Variants in PLCB1 observed in about 807,000 individuals in gnomAD.
PLCB1 encodes the protein phospholipase C beta 1.
In PLCB1, 46 loss-of-function variants were observed where a neutral mutation model predicts 161.8. That is an observed-to-expected ratio of 0.28 (90% CI 0.22 to 0.36). The LOEUF is 0.36. PLCB1 is among the 10% of genes least tolerant of loss of function. PLCB1 has a pLI of 1.00. For synonymous variants in PLCB1, 517 were observed against 503.7 expected, an observed-to-expected ratio of 1.03 and a Z score of -0.35; for missense variants, 1,016 against 1,472.5, an observed-to-expected ratio of 0.69 and a Z score of 5.07.
At chr20:8,667,493 C>T (rs1989842586) in intron 9 of PLCB1, among the ~76,000 whole-genome samples, 1 of 152,164 alleles carries the variant, frequency 6.6e-6, no homozygotes, top group African/African-American at 2.4e-5. Flanking sequence ...TCCGTTATTA[C>T]ATTTCCTTTA....
intron 2 of PLCB1, among the ~76,000 whole-genome samples, chr20:8,196,237 C>T (rs1272675897): frequency 1.3e-5 from 2 of 152,126 alleles, no homozygotes; most frequent in African/African-American, 4.8e-5. Context: ...AGAAGTGATG[C>T]TGTGCCTTTC....
chr20:8,485,708 T>C (rs900694727), intron 3 of PLCB1, among the ~76,000 whole-genome samples: 2 of 152,334 alleles, frequency 1.3e-5, no homozygotes, highest in Middle Eastern at 3.4e-3. Context: ...ATTCTGCTAA[T>C]AGGAGCAATT....
intron 2 of PLCB1, among the ~76,000 whole-genome samples, chr20:8,183,678 A>G (rs971299054): frequency 6.6e-6 from 1 of 152,212 alleles, no homozygotes; most frequent in Non-Finnish European, 1.5e-5. Flanking sequence ...TTACTCATGG[A>G]CATGTTTTAG....
intron 2 of PLCB1, among the ~76,000 whole-genome samples, chr20:8,191,503 G>A (rs1377178959): frequency 1.3e-5 from 2 of 151,754 alleles, no homozygotes; most frequent in Non-Finnish European, 2.9e-5. Flanking sequence ...TATACTCCAA[G>A]AACAAGAACA....
At chr20:8,448,115 A>G (rs1980918153) in intron 3 of PLCB1, among the ~76,000 whole-genome samples, 1 of 152,202 alleles carries the variant, frequency 6.6e-6, no homozygotes, top group Admixed American at 6.5e-5. Flanking sequence ...AGATTTCTTC[A>G]AGAAACTGTT....
intron 2 of PLCB1, among the ~76,000 whole-genome samples, chr20:8,322,025 AC>A (rs1194802239): frequency 6.6e-6 from 1 of 152,086 alleles, no homozygotes; most frequent in African/African-American, 2.4e-5. Flanking sequence ...ATAGAAAAAT[AC>A]CCCAGGTCCA....
chr20:8,152,920 A>C (rs1298837029), intron 2 of PLCB1, among the ~76,000 whole-genome samples: 9 of 152,162 alleles, frequency 5.9e-5, no homozygotes, highest in Non-Finnish European at 8.8e-5. Context: ...GTAAATGGCC[A>C]CATTTTATGA....
intron 3 of PLCB1, among the ~76,000 whole-genome samples, chr20:8,503,440 T>C (rs1010430334): frequency 3.9e-5 from 6 of 152,124 alleles, no homozygotes; most frequent in Admixed American, 3.9e-4. Flanking sequence ...TCCTTCCACC[T>C]CTTTTCACTT....
At chr20:8,277,045 G>A (rs1982616448) in intron 2 of PLCB1, among the ~76,000 whole-genome samples, 1 of 145,700 alleles carries the variant, frequency 6.9e-6, no homozygotes. Flanking sequence ...TCTGTTGCCA[G>A]GCTGGAGTGC....
chr20:8,868,242 C>T (rs1165062017), intron 31 of PLCB1, among the ~76,000 whole-genome samples: 1 of 152,070 alleles, frequency 6.6e-6, no homozygotes, highest in Non-Finnish European at 1.5e-5. Flanking sequence ...AGTGAAAAAC[C>T]AGGATCTTCC....
At chr20:8,851,201 G>A (rs1276222657) in intron 31 of PLCB1, among the ~76,000 whole-genome samples, 1 of 152,158 alleles carries the variant, frequency 6.6e-6, no homozygotes, top group Non-Finnish European at 1.5e-5. Context: ...GACCTTGTGT[G>A]CTCCCTTTAG....
At chr20:8,710,173 A>T (rs1978918596) in intron 12 of PLCB1, among the ~76,000 whole-genome samples, 1 of 77,644 alleles carries the variant, frequency 1.3e-5, no homozygotes, top group Non-Finnish European at 2.7e-5. Flanking sequence ...GCTCCTGGGG[A>T]GTCCTCAGAG....
At chr20:8,805,026 G>T (rs1021858117) in intron 31 of PLCB1, among the ~76,000 whole-genome samples, 2 of 128,534 alleles carry the variant, frequency 1.6e-5, no homozygotes, top group African/African-American at 2.8e-5. Context: ...AAAAAAAAAG[G>T]AATAGCACAT....
intron 3 of PLCB1, among the ~76,000 whole-genome samples, chr20:8,593,647 A>AT (rs1310858656): frequency 1.3e-5 from 2 of 151,736 alleles, no homozygotes; most frequent in Admixed American, 6.6e-5. Flanking sequence ...TTTTTATTAG[A>AT]TTTTTTATTT....
intron 31 of PLCB1, among the ~76,000 whole-genome samples, chr20:8,861,470 G>A (rs1987250681): frequency 6.6e-6 from 1 of 152,144 alleles, no homozygotes; most frequent in African/African-American, 2.4e-5. Flanking sequence ...AGAGGCTCAC[G>A]CCTGTAATCC....
At chr20:8,189,623 T>C (rs190744933) in intron 2 of PLCB1, among the ~76,000 whole-genome samples, 79 of 152,222 alleles carry the variant, frequency 5.2e-4, no homozygotes, top group Non-Finnish European at 4.4e-5. Flanking sequence ...TCAAATTTTC[T>C]ATCAAATTAC....
At chr20:8,813,890 A>G (rs1381747200) in intron 31 of PLCB1, among the ~76,000 whole-genome samples, 2 of 152,142 alleles carry the variant, frequency 1.3e-5, no homozygotes, top group Non-Finnish European at 2.9e-5. Flanking sequence ...CTGGCTTTTG[A>G]CTTTTCTGGT....
chr20:8,683,316 T>C (rs955903622), intron 9 of PLCB1, among the ~76,000 whole-genome samples: 1 of 152,090 alleles, frequency 6.6e-6, no homozygotes, highest in Non-Finnish European at 1.5e-5. Context: ...GTTTTATTTT[T>C]TCTCTCTGTT....
chr20:8,721,305 A>G (rs567227259), intron 14 of PLCB1, among the ~76,000 whole-genome samples: 1 of 152,326 alleles, frequency 6.6e-6, no homozygotes, highest in East Asian at 1.9e-4. Flanking sequence ...ATTGCCATCT[A>G]TTGGGCTCAT....
Sources: allele counts gnomAD v4.1 joint callset (sites outside exome capture counted in the v4.1 genomes callset), GRCh38; gene constraint gnomAD v4.1.1; transcripts MANE v1.5; gene names NCBI Gene and HGNC (gene_info 2026-07-23, HGNC 2026-07-21).